Variants in ARHGAP35 observed in about 807,000 individuals in gnomAD.
The protein encoded by ARHGAP35 is Rho GTPase activating protein 35.
ARHGAP35 carries 15 observed loss-of-function variants against 111.1 expected under a neutral mutation model. That is an observed-to-expected ratio of 0.13 (90% confidence interval 0.09 to 0.21). The LOEUF is 0.21. Ranked by LOEUF, ARHGAP35 falls within the 10% of genes least tolerant of loss-of-function variation. ARHGAP35 has a pLI of 1.00. For synonymous variants in ARHGAP35, 643 were observed against 710.3 expected, an observed-to-expected ratio of 0.91 and a Z score of 1.51; for missense variants, 1,262 against 1,873.0, an observed-to-expected ratio of 0.67 and a Z score of 6.02.
Position 46,879,804 on chromosome 19 carries a change from C to A in ARHGAP35, c.-189+18595C>A, listed in dbSNP as rs866060084. On this transcript the variant is annotated intron_variant, in intron 1 of 6. Coordinates refer to ENST00000672722, the MANE Select transcript of ARHGAP35 (RefSeq NM_004491.5). ...TGTCTCAAAAAAAAAAAAAAAAAATCGCTGGGTGCAGTGGCCAACCCCTGT... is the reference window on the plus strand; with the variant it reads ...TGTCTCAAAAAAAAAAAAAAAAAATAGCTGGGTGCAGTGGCCAACCCCTGT... 9.6e-5 allele frequency among the ~76,000 whole-genome samples: 13 copies of A among 135,046 alleles called. No individual in the cohort carries two copies. In the South Asian group the frequency reaches 2.9e-3, roughly 30 times the overall value. The allele number at this position is 135,046 out of a possible 152,430, so 88.6% of individuals were successfully genotyped here.
Position 46,999,418 on chromosome 19 carries a change from C to T in ARHGAP35, c.4142+9C>T. ...ATCTCTCACCTAAACAAGTAAGTCG[C>T]AGGGCCTTCTGGTTGGTTTTTCCTC... On this transcript the variant is annotated intron_variant, in intron 6 of 6. Transcript: ENST00000672722. This position sits in a 1 kb window ranked among gnomAD's most constrained non-coding sequence, Gnocchi z 5.4. The T allele has an allele frequency of 6.4e-7, 1 of 1,551,258 alleles. No homozygotes were observed. The highest frequency in any genetic ancestry group is 8.8e-7 in the Non-Finnish European group (1 of 1,141,124).
intron 3 of ARHGAP35, among the ~76,000 whole-genome samples, chr19:46,975,253 C>T (rs979183693): frequency 2.0e-5 from 3 of 152,098 alleles, no homozygotes; most frequent in Non-Finnish European, 2.9e-5. Context: ...TGCTAGGAGC[C>T]GGGGACAAAA....
At chr19:46,907,541 CGA>C (rs2056116440) in intron 1 of ARHGAP35, among the ~76,000 whole-genome samples, 1 of 151,502 alleles carries the variant, frequency 6.6e-6, no homozygotes, top group South Asian at 2.1e-4. Flanking sequence ...AGCAGTGGCG[CGA>C]ACTCGGCTCA....
rs112609461 is a variant in ARHGAP35 at position 46,951,287 on chromosome 19, T to C, written c.3826+13879T>C. On this transcript the variant is annotated intron_variant, in intron 3 of 6. Coordinates refer to ENST00000672722, the MANE Select transcript of ARHGAP35 (RefSeq NM_004491.5). ...CACAGGCCTTTGGGAGACAGCCTCA[T>C]AACAAATACATCCAGGACAGGGGGC... 6.6e-3 allele frequency among the ~76,000 whole-genome samples: 998 copies of C among 152,268 alleles called. 6 individuals are homozygous for C. Among genetic ancestry groups the C allele is most frequent in the South Asian group, 0.02 (98 of 4,830 alleles).
intron 1 of ARHGAP35, among the ~76,000 whole-genome samples, chr19:46,869,072 GT>G (rs748885527): frequency 6.6e-6 from 1 of 151,324 alleles, no homozygotes; most frequent in Non-Finnish European, 1.5e-5. Flanking sequence ...CGCCTGGCTA[GT>G]TTTTTTGTAT....
chr19:46,958,159 G>A (rs1165686689), intron 3 of ARHGAP35, among the ~76,000 whole-genome samples: 3 of 152,092 alleles, frequency 2.0e-5, no homozygotes, highest in Non-Finnish European at 2.9e-5. Context: ...CGAGGCGGGC[G>A]GATCACGAGG....
intron 3 of ARHGAP35, among the ~76,000 whole-genome samples, chr19:46,943,010 A>G (rs185855371): frequency 1.5e-3 from 234 of 151,312 alleles, no homozygotes; most frequent in African/African-American, 5.4e-3. Flanking sequence ...CGTCCAGAAC[A>G]GTCCTCTCTG....
Position 46,922,407 on chromosome 19 carries a change from G to T in ARHGAP35, c.3681+51G>T. 6.9e-7 allele frequency: 1 copy of T among 1,440,022 alleles called. No individual in the cohort carries two copies. The allele number at this position is 1,440,022 out of a possible 1,614,324, so 89.2% of individuals were successfully genotyped here. A position where few individuals can be genotyped will look rare whatever the true frequency, so the allele number is the denominator to read the frequency against. On this transcript the variant is annotated intron_variant, in intron 2 of 6. Coordinates refer to ENST00000672722, the MANE Select transcript of ARHGAP35 (RefSeq NM_004491.5). The surrounding 1 kb of genome is among the most constrained non-coding windows in gnomAD (Gnocchi z 4.0). ...ATAGTGTTTTGTACAGCGTCTCGGT[G>T]AGGGTTGATTGATGATGATTTTTCA...
At chr19:46,892,123 TAAAAAAA>T (rs1178888092) in intron 1 of ARHGAP35, among the ~76,000 whole-genome samples, 85 of 53,892 alleles carry the variant, frequency 1.6e-3, no homozygotes, top group East Asian at 6.3e-3. Context: ...CTGTCTCTAC[TAAAAAAA>T]AAAAAAAAAA....
rs376565594 is a variant in ARHGAP35, at chr19:46,920,414, G to A, written c.1739G>A (p.Arg580Gln). ...IEHLISSRFI[R>Q]PSDRNQKNSL... is the part of the protein sequence containing the mutation. ...CACTTGATTAGTTCTCGGTTTATCC[G>A]GCCGTCTGACCGGAATCAGAAAAAT... The change falls in exon 2 of 7, where the codon CGG becomes CAG. Residue 580 changes from arginine to glutamine, a missense_variant. Transcript: ENST00000672722. This position sits in a 1 kb window ranked among gnomAD's most constrained non-coding sequence, Gnocchi z 7.0. The A allele has an allele frequency of 2.7e-5, 43 of 1,613,620 alleles. No homozygotes were observed. Among genetic ancestry groups the A allele is most frequent in the South Asian group, 6.6e-5 (6 of 91,058 alleles).
At chr19:46,998,033 C>T (rs187824769) in intron 5 of ARHGAP35, among the ~76,000 whole-genome samples, 6 of 151,804 alleles carry the variant, frequency 4.0e-5, no homozygotes, top group Non-Finnish European at 8.8e-5. Flanking sequence ...ACTCAGGAGG[C>T]GGAGCTTGCA....
In ARHGAP35 at chr19:46,921,860, G is replaced by C. The variant is rs1206205629; in HGVS notation, c.3185G>C (p.Gly1062Ala). ...GGGGATCTATCTTATTTAGACCAAG[G>C]CCATAGGGATGGACAGAGGAAGTCT... is the stretch of plus-strand genomic sequence containing the variant. ...TKGDLSYLDQGHRDGQRKSVS... is the reference protein window; with the variant it reads ...TKGDLSYLDQAHRDGQRKSVS... Residue 1062 changes from glycine to alanine, a missense_variant, in exon 2 of 7, where the codon GGC becomes GCC. Gly to Ala is a moderately conservative substitution (Grantham distance 60). Coordinates refer to ENST00000672722, the MANE Select transcript of ARHGAP35 (RefSeq NM_004491.5). This position sits in a 1 kb window ranked among gnomAD's most constrained non-coding sequence, Gnocchi z 4.3. 6 of 1,613,892 alleles carry C rather than the reference G, an allele frequency of 3.7e-6. No homozygotes were observed. The East Asian group carries it at 6.7e-5, about 18-fold the overall frequency.
At position 46,863,302 on chromosome 19, in the gene ARHGAP35, C is replaced by T. The variant is rs75762246; in HGVS notation, c.-189+2093C>T. ...GCGCCCTAACCCTGAGGGTTCTCTC[C>T]CCAGGGATCCTGAGAGATCTGGGTA... On this transcript the variant is annotated intron_variant, in intron 1 of 6. Coordinates refer to ENST00000672722, the MANE Select transcript of ARHGAP35 (RefSeq NM_004491.5). Among the ~76,000 whole-genome samples the T allele has an allele frequency of 9.9e-3, 1,507 of 152,290 alleles. 17 individuals carry two copies. Among genetic ancestry groups the T allele is most frequent in the African/African-American group, 0.025 (1,049 of 41,544 alleles).
chr19:46,938,785 G>T (rs1315657552), intron 3 of ARHGAP35, among the ~76,000 whole-genome samples: 1 of 151,982 alleles, frequency 6.6e-6, no homozygotes, highest in African/African-American at 2.4e-5. Flanking sequence ...AGCCTCCTGA[G>T]TAGCTGGGAT....
At chr19:46,878,406 T>A (rs745711550) in intron 1 of ARHGAP35, among the ~76,000 whole-genome samples, 1 of 151,824 alleles carries the variant, frequency 6.6e-6, no homozygotes. Context: ...CTGCAACGTC[T>A]CTCGGGTTCA....
chr19:46,876,374 A>T (rs531891178), intron 1 of ARHGAP35, among the ~76,000 whole-genome samples: 14 of 150,474 alleles, frequency 9.3e-5, no homozygotes, highest in East Asian at 2.0e-4. Flanking sequence ...AATTTTTTTT[A>T]AATTTTTTTT....
chr19:46,921,318 C>A lies in ARHGAP35; in HGVS notation c.2643C>A (p.Ile881=). The change falls in exon 2 of 7, where the codon ATC becomes ATA. Residue 881 remains isoleucine, a synonymous_variant. Coordinates refer to ENST00000672722, the MANE Select transcript of ARHGAP35 (RefSeq NM_004491.5). This position sits in a 1 kb window ranked among gnomAD's most constrained non-coding sequence, Gnocchi z 4.3. ...RAFLCEVQDI[I]PIQLVALTDG... Reference sequence around the variant, plus strand: ...TTCTTTGTGAAGTGCAGGATATTATCCCTATTCAGCTTGTAGCACTCACTG... The same window carrying A: ...TTCTTTGTGAAGTGCAGGATATTATACCTATTCAGCTTGTAGCACTCACTG... 6.2e-7 allele frequency: 1 copy of A among 1,613,930 alleles called. No individual in the cohort carries two copies. Among genetic ancestry groups the A allele is most frequent in the Non-Finnish European group, 8.5e-7 (1 of 1,179,902 alleles).
chr19:46,888,309 TATATATATAAAATATTG>T, intron 1 of ARHGAP35, among the ~76,000 whole-genome samples: 1 of 58,198 alleles, frequency 1.7e-5, no homozygotes, highest in Non-Finnish European at 3.3e-5. Context: ...TATATATATA[TATATATATAAAATATTG>T]ATTTTATACA....
At position 46,957,704 on chromosome 19, in the gene ARHGAP35, A is replaced by G. The variant is rs111993602; in HGVS notation, c.3826+20296A>G. 2.6e-5 allele frequency among the ~76,000 whole-genome samples: 4 copies of G among 152,330 alleles called. 1 individual carries two copies. Among genetic ancestry groups the G allele is most frequent in the African/African-American group, 9.6e-5 (4 of 41,582 alleles). On this transcript the variant is annotated intron_variant, in intron 3 of 6. Coordinates refer to ENST00000672722, the MANE Select transcript of ARHGAP35 (RefSeq NM_004491.5). ...ATAAATTTGTGAGATTGGGCACAGT[A>G]ACTATTTTGGTACAGTGGCAAGGTG...
Sources: gnomAD v4.1 joint callset for allele counts (sites outside exome capture counted in the v4.1 genomes callset) on GRCh38, gnomAD v4.1.1 for gene constraint, Gnocchi (gnomAD v3.1) non-coding constraint, MANE v1.5 for transcripts, NCBI Gene and HGNC (gene_info 2026-07-23, HGNC 2026-07-21) for gene names.